OTUD7A: variants seen among roughly 807,000 people sequenced by gnomAD.
OTUD7A encodes OTU domain-containing protein 7A.
Under a neutral mutation model 65.7 loss-of-function variants are expected in OTUD7A, and 12 were observed. The ratio of observed to expected loss-of-function variants is 0.18; its 90% confidence interval spans 0.12 to 0.30. The LOEUF is 0.30. OTUD7A is among the 10% of genes least tolerant of loss of function. OTUD7A has a pLI of 1.00. For synonymous variants in OTUD7A, 641 were observed against 586.3 expected (o/e 1.09, Z -1.35); for missense variants, 1,148 against 1,304.8 (o/e 0.88, Z 1.85).
At chr15:31,499,238 C>T (rs909301247) in intron 10 of OTUD7A, among the ~76,000 whole-genome samples, 32 of 152,280 alleles carry the variant, frequency 2.1e-4, no homozygotes, top group African/African-American at 7.0e-4. Context: ...CACAAGGATG[C>T]GGTGTCTGCT....
At chr15:31,772,116 G>A (rs1290684701) in intron 1 of OTUD7A, among the ~76,000 whole-genome samples, 2 of 93,534 alleles carry the variant, frequency 2.1e-5, no homozygotes, top group Non-Finnish European at 4.9e-5. Flanking sequence ...GCCGGGCGTA[G>A]TGGCGGGCGC....
At chr15:31,728,502 T>C (rs1227762450) in intron 1 of OTUD7A, among the ~76,000 whole-genome samples, 1 of 152,244 alleles carries the variant, frequency 6.6e-6, no homozygotes, top group African/African-American at 2.4e-5. Context: ...AGACCCTTTC[T>C]GTGACCTGGG....
chr15:31,522,284 G>A (rs1002420972), intron 8 of OTUD7A, among the ~76,000 whole-genome samples: 4 of 152,190 alleles, frequency 2.6e-5, no homozygotes, highest in Non-Finnish European at 4.4e-5. Flanking sequence ...AAACAGTGGC[G>A]GAGGGCGGAA....
chr15:31,600,357 A>G (rs1325752569), intron 3 of OTUD7A, among the ~76,000 whole-genome samples: 2 of 152,220 alleles, frequency 1.3e-5, no homozygotes, highest in African/African-American at 2.4e-5. Flanking sequence ...ATCCAGCCCA[A>G]CTAAGCTTCA....
intron 6 of OTUD7A, among the ~76,000 whole-genome samples, chr15:31,530,015 G>A (rs1595587555): frequency 6.6e-6 from 1 of 152,180 alleles, no homozygotes; most frequent in Admixed American, 6.5e-5. Context: ...CCAGAAAGTC[G>A]ATGATGATCC....
chr15:31,793,203 C>T (rs554857678), intron 1 of OTUD7A, among the ~76,000 whole-genome samples: 41 of 152,194 alleles, frequency 2.7e-4, no homozygotes, highest in Admixed American at 5.2e-4. Context: ...GCTCTTCCTG[C>T]CCCTGCCTGC....
Position 31,599,955 on chromosome 15 carries a change from A to T in OTUD7A, c.152-29758T>A, listed in dbSNP as rs28857331. ...CAGGATTAGAGAAAAAAGAATGAAA[A>T]GGAATGAACAAAGCCTCCAAGAAAT... On this transcript the variant is annotated intron_variant, in intron 3 of 12. Coordinates refer to ENST00000307050, the MANE Select transcript of OTUD7A (RefSeq NM_001382637.1). 3.8e-3 allele frequency among the ~76,000 whole-genome samples: 571 copies of T among 152,214 alleles called. 3 individuals are homozygous for T. Among genetic ancestry groups the T allele is most frequent in the African/African-American group, 0.013 (535 of 41,502 alleles).
intron 3 of OTUD7A, among the ~76,000 whole-genome samples, chr15:31,634,841 C>G (rs1293688464): frequency 1.3e-5 from 2 of 152,250 alleles, no homozygotes; most frequent in Non-Finnish European, 2.9e-5. Context: ...CGGGCTCTGA[C>G]TGAAACCTTT....
Position 31,628,639 on chromosome 15 carries a change from G to A in OTUD7A, c.151+26457C>T, listed in dbSNP as rs545771410. Among the ~76,000 whole-genome samples, 359 of 152,212 alleles carry A rather than the reference G, an allele frequency of 2.4e-3. 2 individuals are homozygous for A. Among genetic ancestry groups the A allele is most frequent in the South Asian group, 0.018 (86 of 4,818 alleles). On this transcript the variant is annotated intron_variant, in intron 3 of 12. Coordinates refer to ENST00000307050, the MANE Select transcript of OTUD7A (RefSeq NM_001382637.1). ...TTCCAATTCTGTGAAGAAAGTCATTGGTAGCTTGATGGGGATGGCATTGAA... is the reference window on the plus strand; with the variant it reads ...TTCCAATTCTGTGAAGAAAGTCATTAGTAGCTTGATGGGGATGGCATTGAA...
intron 1 of OTUD7A, among the ~76,000 whole-genome samples, chr15:31,857,611 C>A (rs112402913): frequency 6.7e-4 from 102 of 152,266 alleles, no homozygotes; most frequent in African/African-American, 2.4e-3. Context: ...CTGAGCCGGG[C>A]CCCTCGATGT....
intron 1 of OTUD7A, among the ~76,000 whole-genome samples, chr15:31,848,082 C>T (rs1166096172): frequency 6.6e-6 from 1 of 152,190 alleles, no homozygotes; most frequent in Non-Finnish European, 1.5e-5. Flanking sequence ...CTGCAACTTG[C>T]CCTTCAGGAG....
intron 1 of OTUD7A, among the ~76,000 whole-genome samples, chr15:31,851,286 G>A (rs1292479993): frequency 6.6e-6 from 1 of 152,194 alleles, no homozygotes; most frequent in Non-Finnish European, 1.5e-5. Flanking sequence ...GGAAGAACAG[G>A]TAATGTGAGA....
chr15:31,615,525 G>A (rs1890560279), intron 3 of OTUD7A, among the ~76,000 whole-genome samples: 1 of 152,202 alleles, frequency 6.6e-6, no homozygotes, highest in African/African-American at 2.4e-5. Context: ...ACAAAGTGCT[G>A]TCAGTAGCTG....
chr15:31,755,432 T>C (rs1024367499), intron 1 of OTUD7A, among the ~76,000 whole-genome samples: 1 of 152,138 alleles, frequency 6.6e-6, no homozygotes, highest in East Asian at 1.9e-4. Flanking sequence ...ACAAAAGTGC[T>C]AGTCTTTGGC....
intron 1 of OTUD7A, among the ~76,000 whole-genome samples, chr15:31,693,819 AC>A (rs1893013864): frequency 6.6e-6 from 1 of 152,098 alleles, no homozygotes; most frequent in South Asian, 2.1e-4. Flanking sequence ...TGGGATCAGT[AC>A]TAGTCATGTC....
rs118167322 is a variant in OTUD7A, at chr15:31,821,008, T to C, written c.-100+49499A>G. Reference sequence around the variant, plus strand: ...ACCACGAGACTACTTTCTGTCTCTATTGGTTTGCCTATTCTGGGCATTATA... The same window carrying C: ...ACCACGAGACTACTTTCTGTCTCTACTGGTTTGCCTATTCTGGGCATTATA... On this transcript the variant is annotated intron_variant, in intron 1 of 12. Transcript: ENST00000307050. 9.7e-3 allele frequency among the ~76,000 whole-genome samples: 1,479 copies of C among 152,304 alleles called. 10 individuals are homozygous for C. Among genetic ancestry groups the C allele is most frequent in the Non-Finnish European group, 0.016 (1,058 of 68,014 alleles).
intron 1 of OTUD7A, among the ~76,000 whole-genome samples, chr15:31,748,716 T>G (rs1894547022): frequency 6.6e-6 from 1 of 152,110 alleles, no homozygotes; most frequent in Non-Finnish European, 1.5e-5. Context: ...GCAATTTCAT[T>G]CCTAGGTATT....
At chr15:31,601,438 C>T (rs978641608) in intron 3 of OTUD7A, among the ~76,000 whole-genome samples, 2 of 152,194 alleles carry the variant, frequency 1.3e-5, no homozygotes, top group Non-Finnish European at 2.9e-5. Flanking sequence ...GTACCAGAAT[C>T]TCTGGGACAC....
intron 3 of OTUD7A, among the ~76,000 whole-genome samples, chr15:31,648,721 T>C (rs1279750794): frequency 1.3e-5 from 2 of 152,186 alleles, no homozygotes; most frequent in Admixed American, 6.5e-5. Flanking sequence ...CGTGTATTGA[T>C]TTATATCTTT....
Sources: allele counts gnomAD v4.1 joint callset (sites outside exome capture counted in the v4.1 genomes callset), GRCh38; gene constraint gnomAD v4.1.1; transcripts MANE v1.5; gene names NCBI Gene and HGNC (gene_info 2026-07-23, HGNC 2026-07-21).